Variants in FOXP1 observed in about 807,000 individuals in gnomAD.
FOXP1 encodes the protein forkhead box P1.
FOXP1 carries 15 observed loss-of-function variants against 98.2 expected under a neutral mutation model. The ratio of observed to expected loss-of-function variants is 0.15; its 90% CI spans 0.10 to 0.24. The LOEUF (loss-of-function observed/expected upper bound fraction) is 0.24, where lower values mean the gene tolerates loss of function less well. Among genes scored for constraint, FOXP1 ranks in the 10% least tolerant of loss-of-function variants. The probability of loss-of-function intolerance (pLI) is 1.00; values close to 1 mark genes in which losing one functional copy is unlikely to be tolerated. For missense variants in FOXP1, 633 were observed against 848.5 expected, an observed-to-expected ratio of 0.75 and a Z score of 3.15; for synonymous variants, 371 against 314.5, an observed-to-expected ratio of 1.18 and a Z score of -1.90.
At chr3:71,516,535 C>T (rs1009527512) in intron 2 of FOXP1, among the ~76,000 whole-genome samples, 2 of 152,092 alleles carry the variant, frequency 1.3e-5, no homozygotes, top group Admixed American at 6.6e-5. Flanking sequence ...ATGAAATATA[C>T]TAACCAGAAT....
intron 14 of FOXP1, among the ~76,000 whole-genome samples, chr3:70,979,614 T>C (rs533648324): frequency 6.8e-6 from 1 of 147,158 alleles, no homozygotes; most frequent in East Asian, 2.2e-4. Flanking sequence ...ATAGTAAGTC[T>C]ATTTCACCAA....
intron 13 of FOXP1, among the ~76,000 whole-genome samples, chr3:70,997,126 A>C (rs1049310848): frequency 6.6e-6 from 1 of 152,174 alleles, no homozygotes; most frequent in African/African-American, 2.4e-5. Flanking sequence ...AATCCCCTCT[A>C]AAGGAGGTGA....
intron 3 of FOXP1, among the ~76,000 whole-genome samples, chr3:71,366,369 G>A (rs867268450): frequency 6.6e-6 from 1 of 152,146 alleles, no homozygotes; most frequent in Admixed American, 6.5e-5. Flanking sequence ...TTTATAGGTT[G>A]TAGTCATTAA....
At position 71,426,968 on chromosome 3, in the gene FOXP1, G is replaced by A. The variant is rs534090614; in HGVS notation, c.-168+66458C>T. Reference sequence around the variant, plus strand: ...CCCAACTACTCAGGAGGCTAAGGCAGGAGAATCGTTTGAACCTGGGAGGCA... The same window carrying A: ...CCCAACTACTCAGGAGGCTAAGGCAAGAGAATCGTTTGAACCTGGGAGGCA... On this transcript the variant is annotated intron_variant, in intron 3 of 20. Coordinates refer to ENST00000649528, the MANE Select transcript of FOXP1 (RefSeq NM_001349338.3). Among the ~76,000 whole-genome samples the A allele has an allele frequency of 3.3e-5, 5 of 151,962 alleles. No individual in the cohort carries two copies. The East Asian group carries it at 9.7e-4, about 29-fold the overall frequency.
chr3:70,980,383 C>G (rs775414812), intron 14 of FOXP1, among the ~76,000 whole-genome samples: 2 of 152,210 alleles, frequency 1.3e-5, no homozygotes, highest in Non-Finnish European at 2.9e-5. Flanking sequence ...TTTGGAAAGT[C>G]ATGGGTAACA....
intron 5 of FOXP1, among the ~76,000 whole-genome samples, chr3:71,238,663 T>C (rs971219174): frequency 2.0e-5 from 3 of 152,204 alleles, no homozygotes; most frequent in Non-Finnish European, 2.9e-5. Context: ...ATGACAAGCG[T>C]TCACAACAGT....
chr3:71,331,821 A>G lies in FOXP1; in HGVS notation c.-73+27329T>C, dbSNP rs145796810. On this transcript the variant is annotated intron_variant, in intron 4 of 20. Transcript: ENST00000649528. Reference sequence around the variant, plus strand: ...TACCTCAAGGTTTGTCAACACACCAATCAGCACCCTGTGTCTAGCTCAGGG... The same window carrying G: ...TACCTCAAGGTTTGTCAACACACCAGTCAGCACCCTGTGTCTAGCTCAGGG... Among the ~76,000 whole-genome samples, 139 of 152,334 alleles carry G rather than the reference A, an allele frequency of 9.1e-4. 3 individuals are homozygous for G. In the East Asian group the frequency reaches 0.021, roughly 23 times the overall value.
At chr3:71,537,620 A>T (rs1032332577) in intron 2 of FOXP1, among the ~76,000 whole-genome samples, 2 of 152,226 alleles carry the variant, frequency 1.3e-5, no homozygotes, top group African/African-American at 4.8e-5. Flanking sequence ...GTCAAGGACC[A>T]GCCCTGGCAG....
At chr3:71,302,871 A>G (rs1456913134) in intron 4 of FOXP1, 7 of 152,152 alleles carry the variant, frequency 4.6e-5, no homozygotes, top group Admixed American at 3.9e-4. Context: ...GTGAGACACT[A>G]AATGTACATT....
intron 3 of FOXP1, among the ~76,000 whole-genome samples, chr3:71,389,462 A>T (rs914545557): frequency 1.6e-4 from 25 of 152,186 alleles, no homozygotes; most frequent in Non-Finnish European, 2.9e-4. Flanking sequence ...ACCTGAAGTG[A>T]GGATGAACAC....
intron 11 of FOXP1, among the ~76,000 whole-genome samples, chr3:71,033,621 A>C (rs1470781736): frequency 2.7e-5 from 4 of 148,718 alleles, no homozygotes; most frequent in Non-Finnish European, 4.4e-5. Context: ...AAAAAAAAAA[A>C]AAAAAACAAC....
chr3:71,090,207 C>A (rs1172534189), intron 7 of FOXP1, among the ~76,000 whole-genome samples: 1 of 152,162 alleles, frequency 6.6e-6, no homozygotes, highest in Admixed American at 6.5e-5. Flanking sequence ...AAACAAATCT[C>A]TCGATTCCTA....
intron 20 of FOXP1, among the ~76,000 whole-genome samples, chr3:70,964,154 A>G (rs1445279184): frequency 6.6e-6 from 1 of 152,258 alleles, no homozygotes; most frequent in Non-Finnish European, 1.5e-5. Context: ...TTTAGCAAAC[A>G]GCACAAACCT....
chr3:71,248,984 G>T (rs2067978509), intron 5 of FOXP1, among the ~76,000 whole-genome samples: 1 of 152,178 alleles, frequency 6.6e-6, no homozygotes, highest in Non-Finnish European at 1.5e-5. Context: ...TTGAAACAAG[G>T]CCAACACAAA....
chr3:70,986,943 C>A (rs935698358), intron 14 of FOXP1, among the ~76,000 whole-genome samples: 1 of 152,168 alleles, frequency 6.6e-6, no homozygotes. Context: ...CACCATAAAT[C>A]ATACATATAT....
intron 14 of FOXP1, among the ~76,000 whole-genome samples, chr3:70,983,259 CAAA>C (rs1035973423): frequency 1.4e-5 from 2 of 139,896 alleles, no homozygotes; most frequent in African/African-American, 2.7e-5. Flanking sequence ...AAAGCAAAAA[CAAA>C]AAAATTCTAG....
chr3:71,433,998 G>A (rs955516955), intron 3 of FOXP1, among the ~76,000 whole-genome samples: 2 of 152,090 alleles, frequency 1.3e-5, no homozygotes, highest in Non-Finnish European at 2.9e-5. Context: ...TTTTAGTTTC[G>A]AAAAATTATT....
intron 5 of FOXP1, among the ~76,000 whole-genome samples, chr3:71,241,885 A>G (rs1449828886): frequency 6.6e-6 from 1 of 152,240 alleles, no homozygotes; most frequent in Non-Finnish European, 1.5e-5. Context: ...CACTTCAGTG[A>G]AAACTCTCTA....
At chr3:71,444,507 G>A (rs569431326) in intron 3 of FOXP1, among the ~76,000 whole-genome samples, 1 of 152,024 alleles carries the variant, frequency 6.6e-6, no homozygotes, top group South Asian at 2.1e-4. Context: ...TCCGTCAACT[G>A]TCAGGGCCCT....
Sources: gnomAD v4.1 joint callset for allele counts (sites outside exome capture counted in the v4.1 genomes callset) on GRCh38, gnomAD v4.1.1 for gene constraint, MANE v1.5 for transcripts, NCBI Gene and HGNC (gene_info 2026-07-23, HGNC 2026-07-21) for gene names.